KLHL6: variants seen among roughly 807,000 people sequenced by gnomAD.
KLHL6 encodes kelch-like protein 6.
A neutral mutation model predicts 58.6 loss-of-function variants in KLHL6; 41 were observed. That is an observed-to-expected ratio of 0.70 (90% CI 0.55 to 0.91). KLHL6 has a LOEUF of 0.91. KLHL6 is among the 40% of genes least tolerant of loss of function. KLHL6 has a pLI of 0.00. For synonymous variants in KLHL6, 338 were observed against 322.7 expected (o/e 1.05, Z -0.51); for missense variants, 714 against 805.6 (o/e 0.89, Z 1.38).
At position 183,508,320 on chromosome 3, in the gene KLHL6, G is replaced by C; in HGVS notation, c.648C>G (p.Asp216Glu). ...NSEEFLDLPVDTLHHILKSDD... is the reference protein window; with the variant it reads ...NSEEFLDLPVETLHHILKSDD... ...CACTCTTCAAGATGTGGTGCAGAGTGTCCACGGGCAGGTCAAGAAACTCCT... is the reference window on the plus strand; with the variant it reads ...CACTCTTCAAGATGTGGTGCAGAGTCTCCACGGGCAGGTCAAGAAACTCCT... The change falls in exon 3 of 7, where the codon GAC becomes GAG. Residue 216 changes from aspartate (D) to glutamate (E), a missense_variant. Around this residue, in one of 2 missense-constraint regions of KLHL6, gnomAD observed 510 missense variants for 629.7 expected, o/e 0.81. Transcript: ENST00000341319. 7 of 1,614,214 alleles carry C rather than the reference G, an allele frequency of 4.3e-6. No homozygotes were observed. The highest frequency in any genetic ancestry group is 5.9e-6 in the Non-Finnish European group (7 of 1,180,036).
intron 1 of KLHL6, among the ~76,000 whole-genome samples, chr3:183,538,292 A>G (rs1251458403): frequency 1.3e-5 from 2 of 151,920 alleles, no homozygotes; most frequent in Admixed American, 6.6e-5. Context: ...AGAACTCCAC[A>G]CCTCTGAACT....
chr3:183,492,581 T>C lies in KLHL6; in HGVS notation c.1477A>G (p.Thr493Ala). The change falls in exon 6 of 7, where the codon ACC (threonine) becomes GCC (alanine). Residue 493 changes from threonine to alanine, a missense_variant. Physicochemically the swap from Thr to Ala is moderately conservative, Grantham distance 58 (BLOSUM62 0). Transcript: ENST00000341319. The surrounding 1 kb of genome is among the most constrained non-coding windows in gnomAD (Gnocchi z 5.9). ...TDKTQCYDPS[T>A]NKWSLKAAMP... ...GCCGCCTTCAAACTCCACTTGTTGG[T>C]GGAAGGGTCATAACACTGAGTCTTG... is the stretch of plus-strand genomic sequence containing the variant. 6.2e-7 allele frequency: 1 copy of C among 1,614,212 alleles called. No homozygotes were observed. The highest frequency in any genetic ancestry group is 8.5e-7 in the Non-Finnish European group (1 of 1,180,042).
intron 2 of KLHL6, among the ~76,000 whole-genome samples, chr3:183,525,550 G>T (rs1245965283): frequency 1.3e-5 from 2 of 152,176 alleles, no homozygotes; most frequent in East Asian, 3.8e-4. Flanking sequence ...TTTTACAAAT[G>T]AAAAATCTGA....
At chr3:183,525,318 T>C (rs1285898128) in intron 2 of KLHL6, among the ~76,000 whole-genome samples, 1 of 132,762 alleles carries the variant, frequency 7.5e-6, no homozygotes, top group Non-Finnish European at 1.7e-5. Context: ...TCTCTTACAA[T>C]CCTAACCCGG....
In KLHL6 at chr3:183,490,727, C is replaced by T. The variant is rs1221129367; in HGVS notation, c.*1200G>A. 6.6e-6 allele frequency: 1 copy of T among 151,572 alleles called. No homozygotes were observed. Among genetic ancestry groups the T allele is most frequent in the South Asian group, 2.1e-4 (1 of 4,794 alleles). The allele number at this position is 151,572 out of a possible 1,614,324, so 9.4% of individuals were successfully genotyped here. A position where few individuals can be genotyped will look rare whatever the true frequency, so the allele number is the denominator to read the frequency against. ...GGCTGAGGCAGGAAAATCACTTGAA[C>T]CAGGGTGACAGAGGTTGCAGTGAGC... is the stretch of plus-strand genomic sequence containing the variant. On this transcript the variant is annotated 3_prime_UTR_variant, in exon 7 of 7. Transcript: ENST00000341319.
intron 1 of KLHL6, among the ~76,000 whole-genome samples, chr3:183,538,334 A>G (rs1291854890): frequency 1.3e-5 from 2 of 151,986 alleles, no homozygotes; most frequent in African/African-American, 4.8e-5. Context: ...TTCTAACCCT[A>G]TAAACAAATA....
At chr3:183,552,717 C>CAAAA (rs1169148282) in intron 1 of KLHL6, among the ~76,000 whole-genome samples, 430 of 44,472 alleles carry the variant, frequency 9.7e-3, no homozygotes, top group Non-Finnish European at 0.013. Flanking sequence ...GACTCCGTCT[C>CAAAA]AAAAAAAAAA....
intron 2 of KLHL6, among the ~76,000 whole-genome samples, chr3:183,527,007 G>A (rs995860629): frequency 6.6e-6 from 1 of 151,944 alleles, no homozygotes; most frequent in Non-Finnish European, 1.5e-5. Context: ...GCTAGGGCAG[G>A]AGAATCGCTT....
rs769411724 is a variant in KLHL6 at position 183,555,581 on chromosome 3, C to G, written c.73G>C (p.Ala25Pro). 1.9e-6 allele frequency: 3 copies of G among 1,613,924 alleles called. No individual in the cohort carries two copies. Among genetic ancestry groups the G allele is most frequent in the East Asian group, 2.2e-5 (1 of 44,902 alleles). The change falls in exon 1 of 7, where the codon GCA becomes CCA. Residue 25 changes from alanine (A) to proline (P), a missense_variant. Physicochemically the swap from Ala to Pro is conservative, Grantham distance 27 (BLOSUM62 -1). Around this residue, in one of 2 missense-constraint regions of KLHL6, gnomAD observed 204 missense variants for 175.9 expected, o/e 1.16. Coordinates refer to ENST00000341319, the MANE Select transcript of KLHL6 (RefSeq NM_130446.4). The stretch of plus-strand genomic sequence containing the variant: ...TGGGAGGGCTCATCTGTAGAAGGTG[C>G]CAGGGGCCCTTCCAAACTCTTCTCG... ...VVEKSLEGPL[A>P]PSTDEPSQKT...
At chr3:183,502,698 A>C (rs114470141) in intron 3 of KLHL6, among the ~76,000 whole-genome samples, 2 of 152,232 alleles carry the variant, frequency 1.3e-5, no homozygotes, top group Non-Finnish European at 2.9e-5. Flanking sequence ...CTTGAATCTC[A>C]TAATGAACTT....
chr3:183,551,939 A>C (rs759207729), intron 1 of KLHL6: 13 of 152,370 alleles, frequency 8.5e-5, no homozygotes, highest in Non-Finnish European at 1.6e-4. Flanking sequence ...GAGACAGTTC[A>C]ACAAAAAAAG....
At chr3:183,534,958 T>TA (rs1712315075) in intron 1 of KLHL6, among the ~76,000 whole-genome samples, 1 of 148,490 alleles carries the variant, frequency 6.7e-6, no homozygotes, top group Non-Finnish European at 1.5e-5. Context: ...ATATTTTTTT[T>TA]TTTTGAGACA....
Position 183,499,910 on chromosome 3 carries a change from C to T in KLHL6, c.910-83G>A. 1.0e-6 allele frequency: 1 copy of T among 980,098 alleles called. No individual in the cohort carries two copies. 60.7% of individuals were successfully genotyped at this position (980,098 alleles called of 1,614,324 possible). ...CTATGGAGCCATTAGGAGTCGGGTC[C>T]AATTCCCATATCTGCCACGGTATGA... is the stretch of plus-strand genomic sequence containing the variant. On this transcript the variant is annotated intron_variant, in intron 3 of 6. Transcript: ENST00000341319. The surrounding 1 kb of genome is among the most constrained non-coding windows in gnomAD (Gnocchi z 4.6).
Position 183,488,083 on chromosome 3 carries a change from T to A in KLHL6, c.*3844A>T, listed in dbSNP as rs1296811265. 1 of 152,268 alleles carries A rather than the reference T, an allele frequency of 6.6e-6. No individual in the cohort carries two copies. The highest frequency in any genetic ancestry group is 1.5e-5 in the Non-Finnish European group (1 of 68,058). 9.4% of individuals were successfully genotyped at this position (152,268 alleles called of 1,614,324 possible). A position where few individuals can be genotyped will look rare whatever the true frequency, so the allele number is the denominator to read the frequency against. On this transcript the variant is annotated 3_prime_UTR_variant, in exon 7 of 7. Transcript: ENST00000341319. ...CAAGGGCATGGTGTATGTGTATATG[T>A]GTGTTTCCCGAAGCCATTGAGACCA...
intron 5 of KLHL6, chr3:183,493,051 T>C: frequency 7.7e-6 from 2 of 258,192 alleles, no homozygotes; most frequent in Non-Finnish European, 1.5e-5. Context: ...TTCATTCATG[T>C]GCTCATCCAC....
At chr3:183,498,956 A>G (rs968878837) in intron 4 of KLHL6, among the ~76,000 whole-genome samples, 1 of 152,356 alleles carries the variant, frequency 6.6e-6, no homozygotes, top group Non-Finnish European at 1.5e-5. Flanking sequence ...GCCTATGCCT[A>G]TAGCAGACAC....
Position 183,491,976 on chromosome 3 carries a change from T to C in KLHL6, c.1817A>G (p.Lys606Arg). 1.3e-6 allele frequency: 2 copies of C among 1,568,114 alleles called. No individual in the cohort carries two copies. The highest frequency in any genetic ancestry group is 2.7e-5 in the African/African-American group (2 of 73,484). Residue 606 changes from lysine (K) to arginine (R), a missense_variant, in exon 7 of 7, where the codon AAG becomes AGG. By Grantham distance (26) the Lys-to-Arg change is conservative. Around this residue, in one of 2 missense-constraint regions of KLHL6, gnomAD observed 510 missense variants for 629.7 expected, o/e 0.81. Coordinates refer to ENST00000341319, the MANE Select transcript of KLHL6 (RefSeq NM_130446.4). ...GATCCTGCGGATGTGGGTGTACGAC[T>C]TCCTGATGGTGACGCTGCCGTGGTG... ...VSHHGSVTIR[K>R]SYTHIRRIVP...
chr3:183,528,771 T>C (rs1195911896), intron 1 of KLHL6, among the ~76,000 whole-genome samples: 1 of 152,220 alleles, frequency 6.6e-6, no homozygotes, highest in Non-Finnish European at 1.5e-5. Flanking sequence ...ATGGGGATTT[T>C]AATAGCTATT....
chr3:183,505,184 C>G (rs1462512655), intron 3 of KLHL6, among the ~76,000 whole-genome samples: 1 of 152,118 alleles, frequency 6.6e-6, no homozygotes, highest in Non-Finnish European at 1.5e-5. Context: ...ATGTGGTTTC[C>G]TAGGCTCCCC....
Sources: allele counts gnomAD v4.1 joint callset (sites outside exome capture counted in the v4.1 genomes callset), GRCh38; gene constraint gnomAD v4.1.1; regional missense constraint gnomAD v4.1.1; non-coding constraint Gnocchi (gnomAD v3.1); transcripts MANE v1.5; gene names NCBI Gene and HGNC (gene_info 2026-07-23, HGNC 2026-07-21).